The following CAMK4 variants were observed in gnomAD, a reference collection of about 807,000 sequenced individuals.
CAMK4 encodes calcium/calmodulin-dependent protein kinase type IV.
CAMK4 carries 22 observed loss-of-function variants against 44.9 expected under a neutral mutation model. That is an observed-to-expected ratio of 0.49 (90% CI 0.35 to 0.70). CAMK4 has a LOEUF of 0.70. Among genes scored for constraint, CAMK4 ranks in the 30% least tolerant of loss-of-function variants. The pLI is 0.01. For synonymous variants in CAMK4, 218 were observed against 215.4 expected, an observed-to-expected ratio of 1.01 and a Z score of -0.11; for missense variants, 498 against 586.8, an observed-to-expected ratio of 0.85 and a Z score of 1.56.
intron 5 of CAMK4, among the ~76,000 whole-genome samples, chr5:111,400,051 T>C (rs957845508): frequency 7.2e-5 from 11 of 152,174 alleles, no homozygotes; most frequent in African/African-American, 2.4e-4. Flanking sequence ...TAAGAGTTCC[T>C]AGAACTCTGA....
At chr5:111,225,770 A>G (rs534751532) in intron 1 of CAMK4, among the ~76,000 whole-genome samples, 5 of 152,300 alleles carry the variant, frequency 3.3e-5, no homozygotes, top group East Asian at 1.9e-4. Context: ...TGCTAGTACT[A>G]TTGAAGGCTC....
intron 9 of CAMK4, among the ~76,000 whole-genome samples, chr5:111,481,598 A>T (rs1420797948): frequency 6.6e-6 from 1 of 152,208 alleles, no homozygotes; most frequent in South Asian, 2.1e-4. Context: ...CCTGAGACCT[A>T]CAATCATTCA....
chr5:111,353,312 T>A (rs547655440), intron 2 of CAMK4, among the ~76,000 whole-genome samples: 43 of 152,200 alleles, frequency 2.8e-4, no homozygotes, highest in African/African-American at 1.0e-3. Flanking sequence ...ACCACCGAGA[T>A]AGTAAATACA....
intron 8 of CAMK4, among the ~76,000 whole-genome samples, chr5:111,476,624 A>G (rs968927141): frequency 2.6e-5 from 4 of 151,972 alleles, no homozygotes; most frequent in Admixed American, 2.6e-4. Context: ...CAGGCTATTG[A>G]TGGGGCCTTG....
intron 2 of CAMK4, among the ~76,000 whole-genome samples, chr5:111,353,251 T>G (rs1750188896): frequency 6.6e-6 from 1 of 152,034 alleles, no homozygotes; most frequent in African/African-American, 2.4e-5. Context: ...TCACATGGTC[T>G]TTGTAAGGTC....
chr5:111,401,526 G>A (rs1037100652), intron 5 of CAMK4, among the ~76,000 whole-genome samples: 2 of 28,272 alleles, frequency 7.1e-5, no homozygotes, highest in African/African-American at 3.6e-4. Flanking sequence ...TGGTATCTGA[G>A]CATCAAAAAA....
intron 1 of CAMK4, among the ~76,000 whole-genome samples, chr5:111,227,610 C>A (rs1384278750): frequency 6.6e-6 from 1 of 152,188 alleles, no homozygotes; most frequent in African/African-American, 2.4e-5. Flanking sequence ...GCTAAACTCC[C>A]AAGGCTATAT....
intron 1 of CAMK4, among the ~76,000 whole-genome samples, chr5:111,279,057 A>G (rs535252624): frequency 6.6e-6 from 1 of 152,312 alleles, no homozygotes; most frequent in South Asian, 2.1e-4. Flanking sequence ...TATGAGTGGC[A>G]ACCCTTGGAA....
chr5:111,335,950 G>A (rs1198179779), intron 1 of CAMK4, among the ~76,000 whole-genome samples: 2 of 150,912 alleles, frequency 1.3e-5, no homozygotes, highest in Non-Finnish European at 3.0e-5. Context: ...TTAACTTTTT[G>A]CCTTTAAATT....
At chr5:111,454,373 CT>C (rs1286692093) in intron 7 of CAMK4, among the ~76,000 whole-genome samples, 1 of 152,180 alleles carries the variant, frequency 6.6e-6, no homozygotes, top group Non-Finnish European at 1.5e-5. Flanking sequence ...CATTCTGTCT[CT>C]TTCATAGAAC....
At chr5:111,234,049 A>G (rs771444771) in intron 1 of CAMK4, among the ~76,000 whole-genome samples, 18 of 152,220 alleles carry the variant, frequency 1.2e-4, no homozygotes, top group Non-Finnish European at 1.9e-4. Context: ...AGTAACACAT[A>G]TATACCATTA....
rs559976672 is a variant in CAMK4, at chr5:111,440,483, A to G, written c.460-6203A>G. Among the ~76,000 whole-genome samples, 55 of 152,066 alleles carry G rather than the reference A, an allele frequency of 3.6e-4. No homozygotes were observed. In the South Asian group the frequency reaches 0.011, roughly 31 times the overall value. On this transcript the variant is annotated intron_variant, in intron 5 of 10. Coordinates refer to ENST00000282356, the MANE Select transcript of CAMK4 (RefSeq NM_001744.6). ...CACCTAAACTTTCTTACTGTAAACT[A>G]TAAACACATACAGAGAAAATTCAGT...
intron 1 of CAMK4, among the ~76,000 whole-genome samples, chr5:111,256,178 C>T (rs973139393): frequency 6.6e-6 from 1 of 152,090 alleles, no homozygotes; most frequent in African/African-American, 2.4e-5. Flanking sequence ...GTGAAAAAAG[C>T]CAATCTCAAA....
chr5:111,273,700 TATATATATATATATATATAC>T (rs201039107), intron 1 of CAMK4, among the ~76,000 whole-genome samples: 6,651 of 63,496 alleles, frequency 0.1, 823 homozygotes, highest in East Asian at 0.37. Context: ...TATATATATA[TATATATATATATATATATAC>T]ACACACATAC....
rs942273150 is a variant in CAMK4 at position 111,489,296 on chromosome 5, C to T, written c.*4830C>T. On this transcript the variant is annotated 3_prime_UTR_variant, in exon 11 of 11. Coordinates refer to ENST00000282356, the MANE Select transcript of CAMK4 (RefSeq NM_001744.6). ...ACTGGAGAGATATCAGCAAACCACC[C>T]ACAGTAACCAAGTTCAGTATTTCCT... 6.6e-6 allele frequency: 1 copy of T among 152,076 alleles called. No homozygotes were observed. The highest frequency in any genetic ancestry group is 1.5e-5 in the Non-Finnish European group (1 of 68,030). 9.4% of individuals were successfully genotyped at this position (152,076 alleles called of 1,614,324 possible).
At chr5:111,256,997 A>C (rs1454032650) in intron 1 of CAMK4, among the ~76,000 whole-genome samples, 1 of 152,244 alleles carries the variant, frequency 6.6e-6, no homozygotes, top group East Asian at 1.9e-4. Flanking sequence ...TACAAAAATT[A>C]ACTCAAGATG....
Position 111,446,789 on chromosome 5 carries a change from C to T in CAMK4, c.550+13C>T. The T allele has an allele frequency of 1.3e-6, 2 of 1,551,738 alleles. No individual in the cohort carries two copies. The highest frequency in any genetic ancestry group is 1.8e-6 in the Non-Finnish European group (2 of 1,123,494). ...CCACTCAAAATCGGTGAGAACATTTCTTCTTGTTTTGTGACCCCTTTTTTC... is the reference window on the plus strand; with the variant it reads ...CCACTCAAAATCGGTGAGAACATTTTTTCTTGTTTTGTGACCCCTTTTTTC... On this transcript the variant is annotated intron_variant, in intron 6 of 10. Coordinates refer to ENST00000282356, the MANE Select transcript of CAMK4 (RefSeq NM_001744.6).
At chr5:111,427,481 TG>T (rs1290627833) in intron 5 of CAMK4, among the ~76,000 whole-genome samples, 1 of 152,068 alleles carries the variant, frequency 6.6e-6, no homozygotes, top group Non-Finnish European at 1.5e-5. Flanking sequence ...GAATCTTGGG[TG>T]GCAATTTTGG....
chr5:111,298,528 T>C (rs1035090292), intron 1 of CAMK4, among the ~76,000 whole-genome samples: 3 of 151,870 alleles, frequency 2.0e-5, no homozygotes, highest in Non-Finnish European at 4.4e-5. Flanking sequence ...GAGATAGGAG[T>C]TTTGAGGCCA....
Sources: allele counts gnomAD v4.1 joint callset (sites outside exome capture counted in the v4.1 genomes callset), GRCh38; gene constraint gnomAD v4.1.1; transcripts MANE v1.5; gene names NCBI Gene and HGNC (gene_info 2026-07-23, HGNC 2026-07-21).